The following ADGRV1 variants were observed in gnomAD, a reference collection of about 807,000 sequenced individuals.
The protein encoded by ADGRV1 is adhesion G protein-coupled receptor V1, also known as G-protein coupled receptor 98.
Under a neutral mutation model 596.2 loss-of-function variants are expected in ADGRV1, and 359 were observed. That is an observed-to-expected ratio of 0.60 (90% CI 0.55 to 0.66). The LOEUF (loss-of-function observed/expected upper bound fraction) is 0.66, where lower values mean the gene tolerates loss of function less well. Among genes scored for constraint, ADGRV1 ranks in the 30% least tolerant of loss-of-function variants. The probability of loss-of-function intolerance (pLI) is 0.00; values close to 1 mark genes in which losing one functional copy is unlikely to be tolerated. For synonymous variants in ADGRV1, 2,681 were observed against 2,679.2 expected (o/e 1.00, Z -0.02); for missense variants, 7,274 against 7,575.6 (o/e 0.96, Z 1.48).
chr5:90,841,411 T>C (rs984620360), intron 78 of ADGRV1, among the ~76,000 whole-genome samples: 8 of 152,316 alleles, frequency 5.3e-5, no homozygotes, highest in African/African-American at 1.7e-4. Flanking sequence ...ATAGAAATTA[T>C]CACCCTCTGC....
intron 87 of ADGRV1, among the ~76,000 whole-genome samples, chr5:91,112,247 A>G (rs1027221770): frequency 6.6e-6 from 1 of 152,212 alleles, no homozygotes; most frequent in East Asian, 1.9e-4. Flanking sequence ...TGAACAGACT[A>G]TACCTTTTCA....
Position 90,689,933 on chromosome 5 carries a change from A to G in ADGRV1, c.6563A>G (p.Tyr2188Cys), listed in dbSNP as rs767849515. The G allele has an allele frequency of 3.7e-6, 6 of 1,613,092 alleles. No individual in the cohort carries two copies. Among genetic ancestry groups the G allele is most frequent in the Admixed American group, 1.7e-5 (1 of 59,948 alleles). ...EGETSKAVPI[Y>C]VINDIYPELE... is the part of the protein sequence containing the mutation. ...GAAACCAGTAAAGCCGTGCCAATAT[A>G]TGTCATTAATGATATCTATCCTGAA... Residue 2188 changes from tyrosine (Y) to cysteine (C), a missense_variant, in exon 30 of 90, where the codon TAT becomes TGT. Around this residue, in one of 5 missense-constraint regions of ADGRV1, gnomAD observed 3,643 missense variants for 3,809.2 expected, o/e 0.96. Coordinates refer to ENST00000405460, the MANE Select transcript of ADGRV1 (RefSeq NM_032119.4).
intron 1 of ADGRV1, among the ~76,000 whole-genome samples, chr5:90,603,661 G>A (rs917382696): frequency 6.6e-6 from 1 of 152,070 alleles, no homozygotes; most frequent in African/African-American, 2.4e-5. Flanking sequence ...GACTAGATTG[G>A]AGCCCAAAGC....
At chr5:90,635,479 TTAGA>T (rs1766064065) in intron 10 of ADGRV1, among the ~76,000 whole-genome samples, 189 bp downstream of exon 10, 1 of 152,208 alleles carries the variant, frequency 6.6e-6, no homozygotes, top group Admixed American at 6.5e-5. Context: ...GTTTACAGTA[TTAGA>T]TAGAATGAAA....
In ADGRV1 at chr5:90,755,254, C is replaced by A. The variant is rs2149974865; in HGVS notation, c.11580+69C>A. The stretch of plus-strand genomic sequence containing the variant: ...TTCTCTTAAGTAAAATTGTGATGCT[C>A]TTGTAAGTAAAAATCTTTTTTTTAA... On this transcript the variant is annotated intron_variant, in intron 55 of 89. Coordinates refer to ENST00000405460, the MANE Select transcript of ADGRV1 (RefSeq NM_032119.4). 6.0e-6 allele frequency: 6 copies of A among 1,004,390 alleles called. No homozygotes were observed. In the South Asian group the frequency reaches 8.7e-5, roughly 15 times the overall value. The allele number at this position is 1,004,390 out of a possible 1,614,324, so 62.2% of individuals were successfully genotyped here.
Position 90,815,615 on chromosome 5 carries a change from TCAGGGAG to T in ADGRV1, c.16079-3_16082del. 1 of 1,500,274 alleles carries T rather than the reference TCAGGGAG, an allele frequency of 6.7e-7. No homozygotes were observed. 92.9% of individuals were successfully genotyped at this position (1,500,274 alleles called of 1,614,324 possible). A position where few individuals can be genotyped will look rare whatever the true frequency, so the allele number is the denominator to read the frequency against. ...ATATTATAGCCCTCCATTCTTTTTT[TCAGGGAG>T]TGACCTTCACAATGGCATCATAGGA... is the stretch of plus-strand genomic sequence containing the variant. On this transcript the variant is annotated splice_acceptor_variant and splice_polypyrimidine_tract_variant and coding_sequence_variant and intron_variant, in exon 75 of 90. Transcript: ENST00000405460. LOFTEE classifies it high-confidence loss of function.
intron 66 of ADGRV1, 26 bp from the exon 67 acceptor site, chr5:90,783,812 C>G: frequency 6.5e-7 from 1 of 1,530,582 alleles, no homozygotes; most frequent in South Asian, 1.2e-5. Context: ...TTTAGACTCA[C>G]AGAATTGCTC....
chr5:91,010,192 C>G (rs1434108750), intron 85 of ADGRV1, among the ~76,000 whole-genome samples: 2 of 152,074 alleles, frequency 1.3e-5, no homozygotes, highest in East Asian at 3.9e-4. Context: ...AAGCTAACTA[C>G]AACATGACAC....
At chr5:90,848,507 A>G (rs1020947823) in intron 78 of ADGRV1, 130 bp from the exon 79 acceptor site, 1 of 410,884 alleles carries the variant, frequency 2.4e-6, no homozygotes, top group Non-Finnish European at 4.0e-6. Context: ...ATTTCTCTTA[A>G]GTTTTCATAG....
chr5:90,559,673 T>C (rs1283965887), intron 1 of ADGRV1, among the ~76,000 whole-genome samples: 1 of 152,160 alleles, frequency 6.6e-6, no homozygotes, highest in Non-Finnish European at 1.5e-5. Flanking sequence ...GTAATGTATT[T>C]ACTAGTATGC....
At chr5:91,023,442 A>G (rs951411330) in intron 85 of ADGRV1, among the ~76,000 whole-genome samples, 1 of 152,154 alleles carries the variant, frequency 6.6e-6, no homozygotes, top group African/African-American at 2.4e-5. Flanking sequence ...GATACTGGAG[A>G]TAAAGTTGTT....
chr5:90,747,442 C>G (rs571531811), intron 52 of ADGRV1, among the ~76,000 whole-genome samples: 3 of 152,108 alleles, frequency 2.0e-5, no homozygotes, highest in Middle Eastern at 3.4e-3. Flanking sequence ...GCAAAGAATA[C>G]AAAATAAAAT....
chr5:91,163,116 GT>G (rs1051799742), intron 89 of ADGRV1, among the ~76,000 whole-genome samples: 3 of 152,112 alleles, frequency 2.0e-5, no homozygotes, highest in African/African-American at 7.2e-5. Flanking sequence ...TATCTGAGTT[GT>G]GAAAAAAAAA....
chr5:90,945,681 T>C (rs534001939), intron 83 of ADGRV1, among the ~76,000 whole-genome samples: 1 of 152,270 alleles, frequency 6.6e-6, no homozygotes, highest in African/African-American at 2.4e-5. Flanking sequence ...GCTGAAGTTA[T>C]CATAAAGAAA....
intron 21 of ADGRV1, among the ~76,000 whole-genome samples, chr5:90,663,247 G>A (rs199606235): frequency 0.41 from 46,085 of 112,038 alleles, 8,907 homozygotes; most frequent in East Asian, 0.71. Flanking sequence ...AAGTGTTCCT[G>A]TTTCTCCACA....
chr5:90,595,020 G>GC (rs1273680409), intron 1 of ADGRV1, among the ~76,000 whole-genome samples: 3 of 143,474 alleles, frequency 2.1e-5, no homozygotes, highest in East Asian at 2.1e-4. Context: ...AGACGGGGTG[G>GC]TGGCCGGGCA....
At chr5:90,655,526 A>G (rs1180081042) in intron 20 of ADGRV1, 1 of 152,198 alleles carries the variant, frequency 6.6e-6, no homozygotes, top group Non-Finnish European at 1.5e-5. Context: ...TTTGATGAAC[A>G]TATGCCTGCC....
At chr5:91,046,412 GA>G (rs1035852056) in intron 85 of ADGRV1, among the ~76,000 whole-genome samples, 5 of 152,114 alleles carry the variant, frequency 3.3e-5, no homozygotes, top group African/African-American at 1.2e-4. Flanking sequence ...ATAAAGTGAG[GA>G]AAGATACCCT....
intron 38 of ADGRV1, among the ~76,000 whole-genome samples, chr5:90,707,857 A>G (rs185148571): frequency 2.2e-3 from 336 of 152,100 alleles, no homozygotes; most frequent in Admixed American, 5.5e-3. Context: ...CTGCAGGCCT[A>G]TGCATATAGG....
Sources: allele counts gnomAD v4.1 joint callset (sites outside exome capture counted in the v4.1 genomes callset), GRCh38; gene constraint gnomAD v4.1.1; regional missense constraint gnomAD v4.1.1; transcripts MANE v1.5; gene names NCBI Gene and HGNC (gene_info 2026-07-23, HGNC 2026-07-21).